Variants in ST8SIA1 observed in about 807,000 individuals in gnomAD.
ST8SIA1 encodes the protein ST8 alpha-N-acetyl-neuraminide alpha-2,8-sialyltransferase 1.
ST8SIA1 carries 16 observed loss-of-function variants against 35.9 expected under a neutral mutation model. The ratio of observed to expected loss-of-function variants is 0.45; its 90% CI spans 0.30 to 0.68. The LOEUF (loss-of-function observed/expected upper bound fraction) is 0.68. Among genes scored for constraint, ST8SIA1 ranks in the 30% least tolerant of loss-of-function variants. The probability of loss-of-function intolerance (pLI) is 0.09; values close to 1 mark genes in which losing one functional copy is unlikely to be tolerated. For synonymous variants in ST8SIA1, 170 were observed against 169.6 expected (o/e 1.00, Z -0.02); for missense variants, 383 against 453.6 (o/e 0.84, Z 1.41).
intron 2 of ST8SIA1, among the ~76,000 whole-genome samples, chr12:22,279,947 C>T (rs905777051): frequency 3.3e-5 from 5 of 152,066 alleles, no homozygotes; most frequent in African/African-American, 9.7e-5. Flanking sequence ...GAATGTTTGG[C>T]CATCAATGGA....
chr12:22,307,198 C>A (rs1405816773), intron 1 of ST8SIA1, among the ~76,000 whole-genome samples: 2 of 152,104 alleles, frequency 1.3e-5, no homozygotes, highest in South Asian at 4.2e-4. Context: ...AGGCACTACA[C>A]AGCTGACTGA....
intron 4 of ST8SIA1, among the ~76,000 whole-genome samples, chr12:22,230,022 G>GT (rs1489632237): frequency 6.6e-6 from 1 of 152,216 alleles, no homozygotes; most frequent in African/African-American, 2.4e-5. Context: ...ATCAAGTAAT[G>GT]TAAGTACCGG....
intron 2 of ST8SIA1, among the ~76,000 whole-genome samples, chr12:22,282,902 TC>T (rs1418471700): frequency 3.3e-5 from 5 of 152,024 alleles, no homozygotes; most frequent in Non-Finnish European, 7.4e-5. Flanking sequence ...TGTAGTATAG[TC>T]CAAATTTTAT....
chr12:22,285,877 C>CAAAAAAAAACA (rs60441064), intron 2 of ST8SIA1, among the ~76,000 whole-genome samples: 2,910 of 103,614 alleles, frequency 0.028, 109 homozygotes, highest in African/African-American at 0.1. Context: ...CTGTCAAAAA[C>CAAAAAAAAACA]AAAAAAAAAA....
intron 1 of ST8SIA1, among the ~76,000 whole-genome samples, chr12:22,306,855 T>A (rs1489908413): frequency 6.6e-6 from 1 of 152,162 alleles, no homozygotes; most frequent in Non-Finnish European, 1.5e-5. Flanking sequence ...TTTTATCACT[T>A]TTTTTCCTTT....
intron 1 of ST8SIA1, among the ~76,000 whole-genome samples, chr12:22,308,873 C>T (rs1017024712): frequency 6.6e-6 from 1 of 152,130 alleles, no homozygotes; most frequent in Non-Finnish European, 1.5e-5. Context: ...TCTCTCTCCC[C>T]TGATAAAACA....
intron 1 of ST8SIA1, among the ~76,000 whole-genome samples, chr12:22,291,917 G>A (rs1036122683): frequency 1.3e-5 from 2 of 151,884 alleles, no homozygotes; most frequent in African/African-American, 4.8e-5. Flanking sequence ...TATAACCTTA[G>A]GAAAAATACC....
chr12:22,251,993 A>C (rs1457772974), intron 3 of ST8SIA1, among the ~76,000 whole-genome samples: 1 of 152,188 alleles, frequency 6.6e-6, no homozygotes, highest in Admixed American at 6.5e-5. Context: ...GTTCCTTTTG[A>C]GGATGCAATC....
Position 22,285,057 on chromosome 12 carries a change from T to C in ST8SIA1, c.381+2092A>G, listed in dbSNP as rs147808492. Among the ~76,000 whole-genome samples, 243 of 152,378 alleles carry C rather than the reference T, an allele frequency of 1.6e-3. 1 individual carries two copies. The highest frequency in any genetic ancestry group is 3.0e-3 in the Non-Finnish European group (207 of 68,036). ...AGCAGTTTTCATACATAGAATATCC[T>C]GTGGATTGGCTTGCTTAACCTCTGT... On this transcript the variant is annotated intron_variant, in intron 2 of 4. Transcript: ENST00000396037.
At chr12:22,240,206 T>C (rs763407650) in intron 4 of ST8SIA1, among the ~76,000 whole-genome samples, 45 of 152,238 alleles carry the variant, frequency 3.0e-4, no homozygotes, top group Non-Finnish European at 2.9e-4. Context: ...TTATACTCAA[T>C]TGACATATGG....
In ST8SIA1 at chr12:22,261,803, G is replaced by A. The variant is rs565042379; in HGVS notation, c.382-6414C>T. On this transcript the variant is annotated intron_variant, in intron 2 of 4. Coordinates refer to ENST00000396037, the MANE Select transcript of ST8SIA1 (RefSeq NM_003034.4). ...TCATTTTCCACAGTCTGCCTCACTC[G>A]TGCCTCTTCTCAAACAGCCCTAATA... is the stretch of plus-strand genomic sequence containing the variant. Among the ~76,000 whole-genome samples, 8 of 152,102 alleles carry A rather than the reference G, an allele frequency of 5.3e-5. No homozygotes were observed. The South Asian group carries it at 1.7e-3, about 32-fold the overall frequency.
intron 4 of ST8SIA1, among the ~76,000 whole-genome samples, chr12:22,209,813 A>T (rs756638696): frequency 1.3e-5 from 2 of 152,142 alleles, no homozygotes; most frequent in Non-Finnish European, 2.9e-5. Flanking sequence ...TTTAATATAC[A>T]TCTTTACTGT....
intron 2 of ST8SIA1, among the ~76,000 whole-genome samples, chr12:22,271,910 C>T (rs1428567211): frequency 6.6e-6 from 1 of 152,166 alleles, no homozygotes; most frequent in Non-Finnish European, 1.5e-5. Flanking sequence ...TTCAGGTACC[C>T]TCTTTTTAAA....
chr12:22,260,129 T>C (rs775634203), intron 2 of ST8SIA1, among the ~76,000 whole-genome samples: 2 of 151,846 alleles, frequency 1.3e-5, no homozygotes, highest in African/African-American at 2.4e-5. Flanking sequence ...AGATTAACTA[T>C]AGTAATGAGC....
At chr12:22,309,579 T>C (rs757936444) in intron 1 of ST8SIA1, among the ~76,000 whole-genome samples, 7 of 152,316 alleles carry the variant, frequency 4.6e-5, no homozygotes, top group South Asian at 2.1e-4. Context: ...TTATTGAATA[T>C]GTAGATTTGG....
intron 1 of ST8SIA1, among the ~76,000 whole-genome samples, chr12:22,326,507 T>C (rs1358306947): frequency 1.3e-5 from 2 of 152,224 alleles, no homozygotes; most frequent in Non-Finnish European, 2.9e-5. Context: ...AAGGTAACTA[T>C]TGCCACCTGC....
At chr12:22,221,728 T>G (rs569273379) in intron 4 of ST8SIA1, among the ~76,000 whole-genome samples, 161 of 152,352 alleles carry the variant, frequency 1.1e-3, no homozygotes, top group African/African-American at 3.8e-3. Context: ...CTATTTTCAT[T>G]TCACGTTGTG....
At chr12:22,324,130 C>A (rs1173128629) in intron 1 of ST8SIA1, among the ~76,000 whole-genome samples, 2 of 152,076 alleles carry the variant, frequency 1.3e-5, no homozygotes, top group Non-Finnish European at 2.9e-5. Context: ...CAACAAAGAT[C>A]ATTGGTTAAA....
chr12:22,294,865 T>C (rs541780449), intron 1 of ST8SIA1, among the ~76,000 whole-genome samples: 1 of 152,342 alleles, frequency 6.6e-6, no homozygotes, highest in Admixed American at 6.5e-5. Flanking sequence ...AATACTTATT[T>C]TCAGTCTTCC....
Sources: gnomAD v4.1 joint callset for allele counts (sites outside exome capture counted in the v4.1 genomes callset) on GRCh38, gnomAD v4.1.1 for gene constraint, MANE v1.5 for transcripts, NCBI Gene and HGNC (gene_info 2026-07-23, HGNC 2026-07-21) for gene names.